LEF1: variants seen among roughly 807,000 people sequenced by gnomAD.
LEF1 encodes the protein lymphoid enhancer binding factor 1, also known as lymphoid enhancer-binding factor 1.
In LEF1, 14 loss-of-function variants were observed where a neutral mutation model predicts 51.2. That is an observed-to-expected ratio of 0.27 (90% CI 0.18 to 0.43). LEF1 has a LOEUF of 0.43. Among genes scored for constraint, LEF1 ranks in the 20% least tolerant of loss-of-function variants. The pLI is 1.00. For missense variants in LEF1, 386 were observed against 512.0 expected (o/e 0.75, Z 2.37); for synonymous variants, 185 against 183.2 (o/e 1.01, Z -0.08).
At chr4:108,107,041 C>A (rs749889149) in intron 3 of LEF1, among the ~76,000 whole-genome samples, 2 of 152,030 alleles carry the variant, frequency 1.3e-5, no homozygotes, top group Non-Finnish European at 2.9e-5. Flanking sequence ...TTGGAAAATA[C>A]AAAAAAACCC....
chr4:108,058,858 A>G (rs944975246), intron 11 of LEF1, among the ~76,000 whole-genome samples: 3 of 152,190 alleles, frequency 2.0e-5, no homozygotes, highest in African/African-American at 7.2e-5. Flanking sequence ...CGTGGTGAGT[A>G]AACAAGTGAT....
At chr4:108,097,300 C>G (rs1740459472) in intron 3 of LEF1, among the ~76,000 whole-genome samples, 1 of 152,138 alleles carries the variant, frequency 6.6e-6, no homozygotes, top group Non-Finnish European at 1.5e-5. Context: ...ATGGATGGAA[C>G]TGGATGACAT....
At chr4:108,152,736 T>G (rs1254807532) in intron 3 of LEF1, among the ~76,000 whole-genome samples, 1 of 152,256 alleles carries the variant, frequency 6.6e-6, no homozygotes, top group Non-Finnish European at 1.5e-5. Context: ...CTGTAGTGTG[T>G]GATTCAGGAC....
chr4:108,110,436 T>C (rs957082343), intron 3 of LEF1, among the ~76,000 whole-genome samples: 1 of 152,172 alleles, frequency 6.6e-6, no homozygotes, highest in Non-Finnish European at 1.5e-5. Context: ...AGGTTGCTAA[T>C]AGGATGATTG....
chr4:108,156,832 TAGAC>T (rs1744732259), intron 3 of LEF1, among the ~76,000 whole-genome samples: 1 of 149,744 alleles, frequency 6.7e-6, no homozygotes, highest in South Asian at 2.1e-4. Context: ...TGTCAAACGA[TAGAC>T]AGTAGAGACT....
At chr4:108,147,988 T>C (rs575321953) in intron 3 of LEF1, among the ~76,000 whole-genome samples, 1 of 152,342 alleles carries the variant, frequency 6.6e-6, no homozygotes, top group South Asian at 2.1e-4. Flanking sequence ...ATTCAAATTG[T>C]AGTCAAATTT....
Position 108,078,260 on chromosome 4 carries a change from A to G in LEF1, c.968T>C (p.Leu323Pro). ...CTGGTTGATAGCTGCACTTTCTTTT[A>G]GAGTACACTCAGCAACGACATTCGC... ...MRANVVAECT[L>P]KESAAINQIL... The change falls in exon 8 of 12, where the codon CTA becomes CCA. Residue 323 changes from leucine to proline, a missense_variant. Coordinates refer to ENST00000265165, the MANE Select transcript of LEF1 (RefSeq NM_016269.5). 2 of 1,614,202 alleles carry G rather than the reference A, an allele frequency of 1.2e-6. No individual in the cohort carries two copies. Among genetic ancestry groups the G allele is most frequent in the Non-Finnish European group, 1.7e-6 (2 of 1,180,030 alleles).
At chr4:108,085,211 C>G (rs965437775) in intron 4 of LEF1, among the ~76,000 whole-genome samples, 5 of 152,208 alleles carry the variant, frequency 3.3e-5, no homozygotes, top group Non-Finnish European at 5.9e-5. Context: ...GCCTCAGCCT[C>G]CTGAGTAGCC....
intron 3 of LEF1, among the ~76,000 whole-genome samples, chr4:108,114,186 T>A (rs922139561): frequency 6.6e-6 from 1 of 152,128 alleles, no homozygotes; most frequent in African/African-American, 2.4e-5. Context: ...CAAACAAACA[T>A]AAAGGAAAAG....
Position 108,078,135 on chromosome 4 carries a change from C to A in LEF1, c.1008+85G>T. 3.9e-6 allele frequency: 5 copies of A among 1,266,326 alleles called. No individual in the cohort carries two copies. In the South Asian group the frequency reaches 5.3e-5, roughly 13 times the overall value. 78.4% of individuals were successfully genotyped at this position (1,266,326 alleles called of 1,614,324 possible). ...GAAGTGCAAACACATTCTATGACCA[C>A]CTGATATGGGATTAAATTGGGGCAG... On this transcript the variant is annotated intron_variant, in intron 8 of 11. Coordinates refer to ENST00000265165, the MANE Select transcript of LEF1 (RefSeq NM_016269.5).
chr4:108,131,993 A>T (rs1029587903), intron 3 of LEF1, among the ~76,000 whole-genome samples: 25 of 152,258 alleles, frequency 1.6e-4, no homozygotes, highest in African/African-American at 6.0e-4. Flanking sequence ...TTCAAGGTAA[A>T]CGTTTTTATT....
intron 9 of LEF1, among the ~76,000 whole-genome samples, chr4:108,068,592 A>G (rs1487787324): frequency 6.6e-6 from 1 of 152,230 alleles, no homozygotes; most frequent in Non-Finnish European, 1.5e-5. Context: ...AGAGCTGACT[A>G]TGCTGTTTCC....
At chr4:108,075,576 TATA>T (rs1738803040) in intron 8 of LEF1, 1 of 152,200 alleles carries the variant, frequency 6.6e-6, no homozygotes, top group Admixed American at 6.5e-5. Flanking sequence ...TTTCTAAAAT[TATA>T]ATGATAACGT....
intron 3 of LEF1, among the ~76,000 whole-genome samples, chr4:108,090,309 T>A (rs1217922394): frequency 2.0e-5 from 3 of 152,198 alleles, no homozygotes; most frequent in Non-Finnish European, 4.4e-5. Context: ...TTTTAATTGT[T>A]AAAATTGTAT....
At chr4:108,146,369 C>T (rs753845219) in intron 3 of LEF1, among the ~76,000 whole-genome samples, 10 of 152,172 alleles carry the variant, frequency 6.6e-5, no homozygotes, top group Admixed American at 1.3e-4. Flanking sequence ...GAATTATTCA[C>T]GTTAGATGTC....
chr4:108,075,214 G>A (rs1023980523), intron 8 of LEF1, among the ~76,000 whole-genome samples: 3 of 152,180 alleles, frequency 2.0e-5, no homozygotes, highest in Admixed American at 1.3e-4. Context: ...TCCTCCCCTG[G>A]AAACCCTGGT....
Position 108,089,152 on chromosome 4 carries a change from T to A in LEF1, c.520A>T (p.Ile174Phe), listed in dbSNP as rs760864275. The part of the protein sequence containing the change: ...HFSPGSHPSH[I>F]PSDVNSKQGM... ...TGTTTGGAGTTGACATCTGATGGGA[T>A]GTGTGACGGGTGTGATCCTGGAGAA... The change falls in exon 4 of 12, where the codon ATC becomes TTC. Residue 174 changes from isoleucine to phenylalanine, a missense_variant. By Grantham distance (21) the Ile-to-Phe change is conservative. Transcript: ENST00000265165. The A allele has an allele frequency of 6.2e-7, 1 of 1,613,982 alleles. No homozygotes were observed. The highest frequency in any genetic ancestry group is 8.5e-7 in the Non-Finnish European group (1 of 1,179,988).
chr4:108,083,460 C>G lies in LEF1; in HGVS notation c.548-14G>C, dbSNP rs1330884146. 17 of 1,533,824 alleles carry G rather than the reference C, an allele frequency of 1.1e-5. No homozygotes were observed. Among genetic ancestry groups the G allele is most frequent in the Non-Finnish European group, 1.5e-5 (17 of 1,113,900 alleles). ...GTCTGGACATGCCTGTTAAACAGAA[C>G]AGAGAGGTATCATTTACAGATTCAC... On this transcript the variant is annotated splice_polypyrimidine_tract_variant and intron_variant, in intron 4 of 11. Transcript: ENST00000265165.
intron 8 of LEF1, among the ~76,000 whole-genome samples, chr4:108,077,202 G>C (rs879384091): frequency 6.6e-6 from 1 of 152,002 alleles, no homozygotes; most frequent in East Asian, 1.9e-4. Flanking sequence ...AATTAGCCAG[G>C]CATTGGCCAC....
Sources: gnomAD v4.1 joint callset for allele counts (sites outside exome capture counted in the v4.1 genomes callset) on GRCh38, gnomAD v4.1.1 for gene constraint, MANE v1.5 for transcripts, NCBI Gene and HGNC (gene_info 2026-07-23, HGNC 2026-07-21) for gene names.